The following GRIN2A variants were observed in gnomAD, a reference collection of about 807,000 sequenced individuals.
GRIN2A encodes glutamate receptor ionotropic, NMDA 2A.
A neutral mutation model predicts 113.4 loss-of-function variants in GRIN2A; 22 were observed. The observed-to-expected ratio is 0.19, with a 90% CI of 0.14 to 0.28. GRIN2A has a LOEUF of 0.28. GRIN2A is among the 10% of genes least tolerant of loss of function. The probability of loss-of-function intolerance (pLI) is 1.00; values close to 1 mark genes in which losing one functional copy is unlikely to be tolerated. For synonymous variants in GRIN2A, 827 were observed against 738.4 expected (o/e 1.12, Z -1.94); for missense variants, 1,502 against 1,887.0 (o/e 0.80, Z 3.78).
chr16:9,870,796 C>A (rs2043246680), intron 4 of GRIN2A, among the ~76,000 whole-genome samples: 1 of 151,984 alleles, frequency 6.6e-6, no homozygotes. Flanking sequence ...CACTGCCATG[C>A]CTGGCTAATT....
chr16:10,049,514 G>A (rs746342211), intron 2 of GRIN2A, among the ~76,000 whole-genome samples: 7 of 151,874 alleles, frequency 4.6e-5, no homozygotes, highest in Non-Finnish European at 1.0e-4. Context: ...AGTAGCTGGG[G>A]TTACAAGCAC....
intron 2 of GRIN2A, among the ~76,000 whole-genome samples, chr16:10,053,507 C>G (rs2047393979): frequency 6.6e-6 from 1 of 152,188 alleles, no homozygotes; most frequent in Admixed American, 6.5e-5. Flanking sequence ...CACACCGTCT[C>G]TCTTAAGGAC....
intron 3 of GRIN2A, among the ~76,000 whole-genome samples, chr16:9,936,331 A>G (rs987524865): frequency 2.6e-5 from 4 of 152,210 alleles, no homozygotes; most frequent in African/African-American, 9.6e-5. Flanking sequence ...ACCACTGCCT[A>G]GAAATTAGGT....
At chr16:9,791,020 A>C (rs1187719660) in intron 11 of GRIN2A, among the ~76,000 whole-genome samples, 3 of 152,190 alleles carry the variant, frequency 2.0e-5, no homozygotes, top group African/African-American at 7.2e-5. Context: ...CTTTATGTTT[A>C]TTTTCATATT....
chr16:10,103,797 T>C (rs2048444322), intron 2 of GRIN2A, among the ~76,000 whole-genome samples: 1 of 152,224 alleles, frequency 6.6e-6, no homozygotes, highest in Non-Finnish European at 1.5e-5. Flanking sequence ...GCTCTACTTC[T>C]TCCCTTAGAT....
intron 4 of GRIN2A, among the ~76,000 whole-genome samples, chr16:9,877,878 ACT>A (rs1207152159): frequency 9.6e-6 from 1 of 104,118 alleles, no homozygotes; most frequent in Non-Finnish European, 1.9e-5. Flanking sequence ...CTCTCCCCCA[ACT>A]CTCTCTCTCC....
intron 2 of GRIN2A, among the ~76,000 whole-genome samples, chr16:10,125,708 G>GGAT (rs1239019499): frequency 6.6e-6 from 1 of 151,942 alleles, no homozygotes; most frequent in East Asian, 1.9e-4. Context: ...ACAGGAGGCT[G>GGAT]GATGGCCCAG....
At chr16:10,065,553 T>C (rs535162707) in intron 2 of GRIN2A, among the ~76,000 whole-genome samples, 4 of 152,362 alleles carry the variant, frequency 2.6e-5, no homozygotes, top group African/African-American at 9.6e-5. Context: ...AGGCAAGTTA[T>C]TGAACCTCAA....
chr16:10,021,072 G>C (rs1265770026), intron 2 of GRIN2A, among the ~76,000 whole-genome samples: 1 of 152,164 alleles, frequency 6.6e-6, no homozygotes, highest in African/African-American at 2.4e-5. Context: ...TTCAGCAGAA[G>C]TCCTTTCAGG....
chr16:9,982,923 G>A (rs1037739861), intron 2 of GRIN2A, among the ~76,000 whole-genome samples: 1 of 152,096 alleles, frequency 6.6e-6, no homozygotes, highest in Non-Finnish European at 1.5e-5. Context: ...TTACTAGGTT[G>A]GTTACTGTTC....
At chr16:10,063,569 G>A (rs1007848621) in intron 2 of GRIN2A, among the ~76,000 whole-genome samples, 1 of 152,006 alleles carries the variant, frequency 6.6e-6, no homozygotes, top group Non-Finnish European at 1.5e-5. Context: ...TTGATAATCT[G>A]GATTTTCTGT....
At chr16:9,893,287 T>C (rs1596549028) in intron 3 of GRIN2A, among the ~76,000 whole-genome samples, 1 of 152,174 alleles carries the variant, frequency 6.6e-6, no homozygotes, top group East Asian at 1.9e-4. Context: ...TTATGGGTAT[T>C]TTTCATTTTT....
chr16:9,816,406 T>A (rs2042186291), intron 10 of GRIN2A, among the ~76,000 whole-genome samples: 1 of 152,190 alleles, frequency 6.6e-6, no homozygotes, highest in Non-Finnish European at 1.5e-5. Context: ...CACAGGGGAC[T>A]GGGGATCCTG....
At chr16:9,814,078 C>G (rs1281013336) in intron 10 of GRIN2A, among the ~76,000 whole-genome samples, 1 of 152,176 alleles carries the variant, frequency 6.6e-6, no homozygotes, top group Non-Finnish European at 1.5e-5. Context: ...TTGGGAATGC[C>G]AATATCCCTG....
chr16:10,053,292 G>A (rs980265938), intron 2 of GRIN2A, among the ~76,000 whole-genome samples: 4 of 152,180 alleles, frequency 2.6e-5, no homozygotes, highest in Non-Finnish European at 4.4e-5. Flanking sequence ...TTGATCTACA[G>A]GACCTTAAAT....
intron 4 of GRIN2A, among the ~76,000 whole-genome samples, chr16:9,860,239 C>T (rs1186007629): frequency 3.3e-5 from 5 of 151,732 alleles, no homozygotes; most frequent in African/African-American, 7.3e-5. Context: ...GCAGATCCCT[C>T]GAGATCAGGA....
rs1430765090 is a variant in GRIN2A, at chr16:9,759,921, T to C, written c.*3228A>G. On this transcript the variant is annotated 3_prime_UTR_variant, in exon 13 of 13. Coordinates refer to ENST00000330684, the MANE Select transcript of GRIN2A (RefSeq NM_001134407.3). ...CAGTTTATGCTCTAGAAGACTCTCT[T>C]ACCCAGAGTATTTTAAATTGGTTGC... 1 of 230,766 alleles carries C rather than the reference T, an allele frequency of 4.3e-6. No homozygotes were observed. Among genetic ancestry groups the C allele is most frequent in the South Asian group, 1.8e-4 (1 of 5,502 alleles). The allele number at this position is 230,766 out of a possible 1,614,324, so 14.3% of individuals were successfully genotyped here. A position where few individuals can be genotyped will look rare whatever the true frequency, so the allele number is the denominator to read the frequency against.
At chr16:10,048,996 C>T (rs1307149972) in intron 2 of GRIN2A, among the ~76,000 whole-genome samples, 1 of 152,188 alleles carries the variant, frequency 6.6e-6, no homozygotes, top group Non-Finnish European at 1.5e-5. Flanking sequence ...AACTTGCTGT[C>T]TCTATTCTAA....
intron 10 of GRIN2A, among the ~76,000 whole-genome samples, chr16:9,808,723 A>C (rs2042029137): frequency 1.3e-5 from 2 of 152,350 alleles, no homozygotes; most frequent in East Asian, 1.9e-4. Context: ...GAGGCCACTC[A>C]GAAAATATAA....
Sources: allele counts gnomAD v4.1 joint callset (sites outside exome capture counted in the v4.1 genomes callset), GRCh38; gene constraint gnomAD v4.1.1; transcripts MANE v1.5; gene names NCBI Gene and HGNC (gene_info 2026-07-23, HGNC 2026-07-21).